Variants in PSG2 observed in about 807,000 individuals in gnomAD.
The protein encoded by PSG2 is pregnancy-specific beta-1-glycoprotein 2.
A neutral mutation model predicts 36.2 loss-of-function variants in PSG2; 49 were observed. That is an observed-to-expected ratio of 1.35 (90% CI 1.08 to 1.72). The LOEUF is 1.72. Ranked by LOEUF, PSG2 falls within the 40% of genes most tolerant of loss-of-function variation. PSG2 has a pLI of 0.00. For missense variants in PSG2, 605 were observed against 407.2 expected, an observed-to-expected ratio of 1.49 and a Z score of -4.18; for synonymous variants, 261 against 155.6, an observed-to-expected ratio of 1.68 and a Z score of -5.04.
rs1468006536 is a variant in PSG2, at chr19:43,067,009, C to T, written c.965-409G>A. Among the ~76,000 whole-genome samples the T allele has an allele frequency of 2.6e-5, 4 of 151,364 alleles. 1 individual carries two copies. The highest frequency in any genetic ancestry group is 5.9e-5 in the Non-Finnish European group (4 of 67,928). On this transcript the variant is annotated intron_variant, in intron 4 of 5. Transcript: ENST00000406487. The stretch of plus-strand genomic sequence containing the variant: ...GACCTGATTGGCAGAAGGCCCAGGT[C>T]AGTGCATTTCAAATTCACCACCTCT...
At chr19:43,066,979 G>T (rs1304753839) in intron 4 of PSG2, among the ~76,000 whole-genome samples, 1 of 151,294 alleles carries the variant, frequency 6.6e-6, no homozygotes, top group Non-Finnish European at 1.5e-5. Context: ...GGTCTCCATG[G>T]CAGGGACCTG....
intron 2 of PSG2, among the ~76,000 whole-genome samples, chr19:43,076,816 T>G (rs1411561696): frequency 1.5e-5 from 2 of 137,908 alleles, no homozygotes; most frequent in Middle Eastern, 3.3e-3. Flanking sequence ...CAAAGTGTTT[T>G]GGATTTCTAA....
Position 43,072,621 on chromosome 19 carries a change from G to A in PSG2, c.710-667C>T, listed in dbSNP as rs541641446. On this transcript the variant is annotated intron_variant, in intron 3 of 5. Coordinates refer to ENST00000406487, the MANE Select transcript of PSG2 (RefSeq NM_031246.4). ...TTGTTGATGGTGATTTAGGGCTTGGGCAGCTTCGCTGTGTGGATAACAGAG... is the reference window on the plus strand; with the variant it reads ...TTGTTGATGGTGATTTAGGGCTTGGACAGCTTCGCTGTGTGGATAACAGAG... 2.7e-5 allele frequency: 43 copies of A among 1,611,524 alleles called. 1 individual carries two copies. The Admixed American group carries it at 4.2e-4, about 16-fold the overall frequency.
At chr19:43,073,834 C>T (rs1208820640) in intron 3 of PSG2, among the ~76,000 whole-genome samples, 1 of 151,830 alleles carries the variant, frequency 6.6e-6, no homozygotes, top group African/African-American at 2.4e-5. Context: ...GGATTTCTGA[C>T]ATTTTTTGAT....
At position 43,072,510 on chromosome 19, in the gene PSG2, C is replaced by A. The variant is rs568182556; in HGVS notation, c.710-556G>T. The A allele has an allele frequency of 3.0e-5, 48 of 1,611,188 alleles. 1 individual carries two copies. The East Asian group carries it at 5.6e-4, about 19-fold the overall frequency. On this transcript the variant is annotated intron_variant, in intron 3 of 5. Coordinates refer to ENST00000406487, the MANE Select transcript of PSG2 (RefSeq NM_031246.4). ...CTGGGACTGACCGGGAGGCTCTGAC[C>A]ATTTAGCCACCAAATGTAGGTGTAG...
Position 43,071,719 on chromosome 19 carries a change from C to G in PSG2, c.945G>C (p.Ser315=), listed in dbSNP as rs1142255. ...NSATGEESST[S]LTVKVSASTR... ...ACTTACCAGAGACTTTGACTGTCAA[C>G]GATGTGGAGCTTTCCTCGCCAGTGG... is the stretch of plus-strand genomic sequence containing the variant. Residue 315 remains serine, a synonymous_variant, in exon 4 of 6, where the codon TCG becomes TCC. Coordinates refer to ENST00000406487, the MANE Select transcript of PSG2 (RefSeq NM_031246.4). 5.6e-6 allele frequency: 9 copies of G among 1,612,834 alleles called. No homozygotes were observed. Among genetic ancestry groups the G allele is most frequent in the Admixed American group, 3.3e-5 (2 of 59,916 alleles).
Position 43,079,705 on chromosome 19 carries a change from A to C in PSG2, c.430+1176T>G, listed in dbSNP as rs1466187426. 3.3e-5 allele frequency among the ~76,000 whole-genome samples: 5 copies of C among 151,804 alleles called. No homozygotes were observed. The East Asian group carries it at 7.7e-4, about 23-fold the overall frequency. On this transcript the variant is annotated intron_variant, in intron 2 of 5. Coordinates refer to ENST00000406487, the MANE Select transcript of PSG2 (RefSeq NM_031246.4). ...TCATGTTTTTTGCACTGATTCTGAC[A>C]GTTGAGGCAGGTGATTTAGTTCTGG...
chr19:43,064,860 C>G (rs543712169), intron 5 of PSG2, among the ~76,000 whole-genome samples: 30 of 151,626 alleles, frequency 2.0e-4, no homozygotes, highest in Non-Finnish European at 4.0e-4. Flanking sequence ...CAGATGGAGT[C>G]TCACTCTGTC....
chr19:43,065,298 G>T (rs1030216781), intron 5 of PSG2, among the ~76,000 whole-genome samples: 1 of 151,514 alleles, frequency 6.6e-6, no homozygotes, highest in African/African-American at 2.4e-5. Context: ...TCTTGGTGTA[G>T]CCCATTCATA....
chr19:43,080,930 T>A lies in PSG2; in HGVS notation c.381A>T (p.Arg127=), dbSNP rs770999204. The A allele has an allele frequency of 1.2e-6, 2 of 1,612,788 alleles. No homozygotes were observed. The highest frequency in any genetic ancestry group is 1.7e-6 in the Non-Finnish European group (2 of 1,179,534). ...CAGTTACTCCTCTAGTCCCATCACCTCGCTTTATGATGTGTAAGGTGTAGG... is the reference window on the plus strand; with the variant it reads ...CAGTTACTCCTCTAGTCCCATCACCACGCTTTATGATGTGTAAGGTGTAGG... ...AGSYTLHIIK[R]GDGTRGVTGY... The change falls in exon 2 of 6, where the codon CGA becomes CGT. Residue 127 remains arginine (R), a synonymous_variant. Transcript: ENST00000406487.
rs766742411 is a variant in PSG2 at position 43,075,514 on chromosome 19, A to G, written c.549T>C (p.Asn183=). The G allele has an allele frequency of 2.5e-6, 4 of 1,613,292 alleles. No individual in the cohort carries two copies. In the Admixed American group the frequency reaches 6.7e-5, roughly 27 times the overall value. Residue 183 remains asparagine, a synonymous_variant, in exon 3 of 6, where the codon AAT becomes AAC. Coordinates refer to ENST00000406487, the MANE Select transcript of PSG2 (RefSeq NM_031246.4). ...TATGAGTCATAGGGAGGCTCTGACC[A>G]TTCATCCACCACTGGTAGCTTGTGT... The part of the protein sequence containing the change: ...TPDTSYQWWM[N]GQSLPMTHRF...
rs1465315967 is a variant in PSG2 at position 43,064,412 on chromosome 19, A to T, written c.*230T>A. The stretch of plus-strand genomic sequence containing the variant: ...GAATCAGCACATTTTCAAATAGAAA[A>T]TTATGAAATCATTATCCTTTTGATT... On this transcript the variant is annotated 3_prime_UTR_variant, in exon 6 of 6. Transcript: ENST00000406487. 3.1e-6 allele frequency: 1 copy of T among 323,110 alleles called. No individual in the cohort carries two copies. The allele number at this position is 323,110 out of a possible 1,614,324, so 20.0% of individuals were successfully genotyped here. A position where few individuals can be genotyped will look rare whatever the true frequency, so the allele number is the denominator to read the frequency against.
rs1026719824 is a variant in PSG2, at chr19:43,081,633, C to G, written c.65-387G>C. On this transcript the variant is annotated intron_variant, in intron 1 of 5. Transcript: ENST00000406487. Reference sequence around the variant, plus strand: ...AGACCCTGGGTCTTCCCTTTCTGACCTTTCCCTGCTCTGCTCCCTAAAGGG... The same window carrying G: ...AGACCCTGGGTCTTCCCTTTCTGACGTTTCCCTGCTCTGCTCCCTAAAGGG... Among the ~76,000 whole-genome samples the G allele has an allele frequency of 6.6e-5, 10 of 151,550 alleles. 2 individuals carry two copies. The highest frequency in any genetic ancestry group is 2.4e-4 in the African/African-American group (10 of 41,008).
chr19:43,080,047 T>C (rs139301205), intron 2 of PSG2, among the ~76,000 whole-genome samples: 2,304 of 151,826 alleles, frequency 0.015, 90 homozygotes, highest in East Asian at 0.092. Flanking sequence ...TCACAGTCAC[T>C]TGATCTAATG....
intron 2 of PSG2, among the ~76,000 whole-genome samples, chr19:43,080,310 C>T (rs1235980529): frequency 6.6e-6 from 1 of 151,784 alleles, no homozygotes; most frequent in Non-Finnish European, 1.5e-5. Context: ...GTCCTCTACA[C>T]CATTGCCCAG....
At chr19:43,076,851 G>A (rs1001188296) in intron 2 of PSG2, among the ~76,000 whole-genome samples, 4 of 151,490 alleles carry the variant, frequency 2.6e-5, no homozygotes, top group Non-Finnish European at 2.9e-5. Context: ...AATATTTGCC[G>A]TATATGTACT....
chr19:43,078,404 A>G (rs1967926704), intron 2 of PSG2, among the ~76,000 whole-genome samples: 1 of 151,714 alleles, frequency 6.6e-6, no homozygotes, highest in African/African-American at 2.4e-5. Context: ...AGTTGACAAA[A>G]TTTGTAACTA....
intron 1 of PSG2, 22 bp downstream of exon 1, chr19:43,082,484 T>C (rs761911532): frequency 1.9e-6 from 3 of 1,607,442 alleles, no homozygotes; most frequent in African/African-American, 2.7e-5. Flanking sequence ...TCCTGTCCTC[T>C]CCCAGGAAGT....
At chr19:43,064,754 C>A (rs1294208963) in intron 5 of PSG2, among the ~76,000 whole-genome samples, 153 bp from the exon 6 acceptor site, 2 of 151,762 alleles carry the variant, frequency 1.3e-5, no homozygotes, top group African/African-American at 4.9e-5. Context: ...ACATAGAAAT[C>A]TAGTTACTTC....
Sources: allele counts gnomAD v4.1 joint callset (sites outside exome capture counted in the v4.1 genomes callset), GRCh38; gene constraint gnomAD v4.1.1; transcripts MANE v1.5; gene names NCBI Gene and HGNC (gene_info 2026-07-23, HGNC 2026-07-21).